KLRD1: variants seen among roughly 807,000 people sequenced by gnomAD.
KLRD1 encodes natural killer cells antigen CD94.
A neutral mutation model predicts 22.6 loss-of-function variants in KLRD1; 21 were observed. The observed-to-expected ratio is 0.93, with a 90% CI of 0.66 to 1.34. The LOEUF (loss-of-function observed/expected upper bound fraction) is 1.34, where lower values mean the gene tolerates loss of function less well. Ranked by LOEUF, KLRD1 falls within the 40% of genes most tolerant of loss-of-function variation. KLRD1 has a pLI of 0.00. For missense variants in KLRD1, 183 were observed against 208.6 expected (o/e 0.88, Z 0.76); for synonymous variants, 59 against 71.1 (o/e 0.83, Z 0.85).
At chr12:10,250,423 G>C (rs1949335646) in intron 1 of KLRD1, among the ~76,000 whole-genome samples, 3 of 152,010 alleles carry the variant, frequency 2.0e-5, no homozygotes, top group African/African-American at 7.3e-5. Flanking sequence ...AAGAACATCT[G>C]CTTCTGTGTC....
chr12:10,305,748 T>C (rs1380550375), upstream of KLRD1, among the ~76,000 whole-genome samples: 2 of 152,270 alleles, frequency 1.3e-5, no homozygotes. Context: ...TAGTTGGCCA[T>C]AGTTCCCCAA....
At chr12:10,257,593 T>C (rs1276792096) in intron 1 of KLRD1, among the ~76,000 whole-genome samples, 1 of 151,650 alleles carries the variant, frequency 6.6e-6, no homozygotes, top group Non-Finnish European at 1.5e-5. Flanking sequence ...TATTTGTTGA[T>C]ATTCTCATTT....
chr12:10,273,092 A>G (rs1949564043), intron 1 of KLRD1, among the ~76,000 whole-genome samples: 1 of 152,184 alleles, frequency 6.6e-6, no homozygotes, highest in South Asian at 2.1e-4. Context: ...TCACAGCTTT[A>G]TCTAATTTTT....
At chr12:10,242,071 G>GTTTTTTTTTTTTTTTTTTTT (rs72326980) in intron 1 of KLRD1, among the ~76,000 whole-genome samples, 3 of 99,390 alleles carry the variant, frequency 3.0e-5, no homozygotes, top group African/African-American at 3.8e-5. Context: ...TGTTCTTGCT[G>GTTTTTTTTTTTTTTTTTTTT]TTTTTTTTTT....
intron 1 of KLRD1, among the ~76,000 whole-genome samples, chr12:10,260,226 A>G (rs1949439463): frequency 6.6e-6 from 1 of 152,160 alleles, no homozygotes; most frequent in Non-Finnish European, 1.5e-5. Context: ...GTTGTTGTCA[A>G]TCAATAATCA....
chr12:10,311,675 C>T lies in KLRD1; in HGVS notation c.315+60C>T, dbSNP rs1029884224. 8 of 1,531,194 alleles carry T rather than the reference C, an allele frequency of 5.2e-6. No individual in the cohort carries two copies. The East Asian group carries it at 6.8e-5, about 13-fold the overall frequency. The allele number at this position is 1,531,194 out of a possible 1,614,324, so 94.9% of individuals were successfully genotyped here. ...GATCTAGAAAAATATACTATCTAAA[C>T]AAGTTAAATACTTTGGTTTAAGTCA... On this transcript the variant is annotated intron_variant, in intron 4 of 5. Coordinates refer to ENST00000336164, the MANE Select transcript of KLRD1 (RefSeq NM_002262.5).
At chr12:10,287,799 G>A (rs1475469842) in intron 1 of KLRD1, among the ~76,000 whole-genome samples, 1 of 152,222 alleles carries the variant, frequency 6.6e-6, no homozygotes, top group African/African-American at 2.4e-5. Context: ...GCCAGGCGCA[G>A]TGGCTCATGC....
At chr12:10,312,013 G>C (rs954097459) in intron 4 of KLRD1, among the ~76,000 whole-genome samples, 3 of 150,702 alleles carry the variant, frequency 2.0e-5, no homozygotes, top group Non-Finnish European at 3.0e-5. Flanking sequence ...AGCTAGTATG[G>C]AAATATGGTA....
chr12:10,312,051 C>CTTT (rs71049085), intron 4 of KLRD1, among the ~76,000 whole-genome samples: 14 of 123,138 alleles, frequency 1.1e-4, no homozygotes, highest in South Asian at 5.3e-4. Flanking sequence ...CTTTTCTTTT[C>CTTT]TTTTTTTTTT....
Position 10,318,355 on chromosome 12 carries a change from G to A in KLRD1, c.*3562G>A, listed in dbSNP as rs1014835980. ...TCCATATGAGATAATTACAGATCTT[G>A]TCTCTGCTGTGTGACCAGACACAGA... is the stretch of plus-strand genomic sequence containing the variant. On this transcript the variant is annotated 3_prime_UTR_variant, in exon 6 of 6. Coordinates refer to ENST00000336164, the MANE Select transcript of KLRD1 (RefSeq NM_002262.5). 6.6e-6 allele frequency: 1 copy of A among 152,134 alleles called. No homozygotes were observed. The highest frequency in any genetic ancestry group is 2.4e-5 in the African/African-American group (1 of 41,410). The allele number at this position is 152,134 out of a possible 1,614,324, so 9.4% of individuals were successfully genotyped here. A position where few individuals can be genotyped will look rare whatever the true frequency, so the allele number is the denominator to read the frequency against.
chr12:10,284,922 G>A (rs149480280), intron 1 of KLRD1, among the ~76,000 whole-genome samples: 1,816 of 151,928 alleles, frequency 0.012, 36 homozygotes, highest in African/African-American at 0.042. Context: ...CGGAGGTTGC[G>A]GTGAGCCCAG....
upstream of KLRD1, among the ~76,000 whole-genome samples, chr12:10,299,878 T>C (rs1236864931): frequency 1.3e-5 from 2 of 152,212 alleles, no homozygotes; most frequent in African/African-American, 2.4e-5. Flanking sequence ...TGTATATTCA[T>C]AGGAGTAGAT....
chr12:10,296,900 A>T (rs955703930), intron 1 of KLRD1, among the ~76,000 whole-genome samples: 1 of 152,224 alleles, frequency 6.6e-6, no homozygotes, highest in Admixed American at 6.5e-5. Flanking sequence ...ACTGTTTCAG[A>T]GAGCAATTGG....
intron 1 of KLRD1, among the ~76,000 whole-genome samples, chr12:10,297,139 G>A (rs1000225611): frequency 6.6e-6 from 1 of 152,214 alleles, no homozygotes; most frequent in Non-Finnish European, 1.5e-5. Context: ...ATAGCTCAAA[G>A]GATGAAAGTG....
intron 1 of KLRD1, among the ~76,000 whole-genome samples, chr12:10,289,603 C>T (rs747712215): frequency 3.3e-5 from 5 of 152,100 alleles, no homozygotes; most frequent in Non-Finnish European, 7.4e-5. Flanking sequence ...TTGTTTCTTT[C>T]GGAGTCTGCC....
intron 1 of KLRD1, among the ~76,000 whole-genome samples, chr12:10,246,928 C>CTTTTT (rs1208226436): frequency 1.3e-4 from 17 of 129,690 alleles, no homozygotes; most frequent in East Asian, 2.6e-4. Context: ...CTTTTCTTTT[C>CTTTTT]TTTTCTTTTT....
Position 10,310,630 on chromosome 12 carries a change from C to G in KLRD1, c.164-834C>G, listed in dbSNP as rs1467860659. Among the ~76,000 whole-genome samples the G allele has an allele frequency of 2.0e-5, 3 of 152,106 alleles. No individual in the cohort carries two copies. The East Asian group carries it at 5.8e-4, about 30-fold the overall frequency. ...GCCAACCCCGTCTGTACTAAAAATA[C>G]AAAAATTAGCCAGGCATGGCGGCAC... On this transcript the variant is annotated intron_variant, in intron 3 of 5. Transcript: ENST00000336164.
chr12:10,301,701 A>G (rs777569676), upstream of KLRD1, among the ~76,000 whole-genome samples: 3 of 152,220 alleles, frequency 2.0e-5, no homozygotes, highest in Non-Finnish European at 4.4e-5. Context: ...CATTTGGGGT[A>G]GCACTTTTAA....
intron 1 of KLRD1, among the ~76,000 whole-genome samples, chr12:10,259,331 G>A (rs7959512): frequency 0.82 from 125,410 of 152,110 alleles, 55,312 homozygotes; most frequent in Non-Finnish European, 0.98. Context: ...TCATAGTTAT[G>A]TAGAATATTT....
Sources: gnomAD v4.1 joint callset for allele counts (sites outside exome capture counted in the v4.1 genomes callset) on GRCh38, gnomAD v4.1.1 for gene constraint, MANE v1.5 for transcripts, NCBI Gene and HGNC (gene_info 2026-07-23, HGNC 2026-07-21) for gene names.